NLGN1: variants seen among roughly 807,000 people sequenced by gnomAD.
NLGN1 encodes neuroligin-1.
In NLGN1, 12 loss-of-function variants were observed where a neutral mutation model predicts 65.5. The observed-to-expected ratio is 0.18, with a 90% CI of 0.12 to 0.30. The LOEUF is 0.30. NLGN1 is among the 10% of genes least tolerant of loss of function. The probability of loss-of-function intolerance (pLI) is 1.00; values close to 1 mark genes in which losing one functional copy is unlikely to be tolerated. For synonymous variants in NLGN1, 350 were observed against 359.5 expected (o/e 0.97, Z 0.30); for missense variants, 750 against 1,007.1 (o/e 0.74, Z 3.46).
Position 174,048,674 on chromosome 3 carries a change from G to C in NLGN1, c.647-226641G>C, listed in dbSNP as rs1373693914. Among the ~76,000 whole-genome samples, 5 of 151,864 alleles carry C rather than the reference G, an allele frequency of 3.3e-5. No individual in the cohort carries two copies. The East Asian group carries it at 9.7e-4, about 29-fold the overall frequency. On this transcript the variant is annotated intron_variant, in intron 4 of 6. Coordinates refer to ENST00000457714, the Ensembl canonical transcript of NLGN1. ...GTAAGAGTCACGAAATGAAAGAGGAGCCAACAAGGTGACAGAGAAATACAG... is the reference window on the plus strand; with the variant it reads ...GTAAGAGTCACGAAATGAAAGAGGACCCAACAAGGTGACAGAGAAATACAG...
chr3:173,398,524 AT>A (rs920028726), intron 1 of NLGN1: 4 of 152,208 alleles, frequency 2.6e-5, no homozygotes, highest in Admixed American at 1.3e-4. Context: ...ATTTAAAATT[AT>A]TTAGGTTGAG....
chr3:174,257,246 T>A (rs1745964608), intron 4 of NLGN1, among the ~76,000 whole-genome samples: 1 of 152,054 alleles, frequency 6.6e-6, no homozygotes, highest in Non-Finnish European at 1.5e-5. Flanking sequence ...TATTAAAAAG[T>A]CAAAAAACAA....
intron 4 of NLGN1, among the ~76,000 whole-genome samples, chr3:173,876,773 C>G (rs1451854172): frequency 6.6e-6 from 1 of 151,940 alleles, no homozygotes; most frequent in African/African-American, 2.4e-5. Context: ...ATAAAATAAG[C>G]AAATAGAAAA....
intron 2 of NLGN1, among the ~76,000 whole-genome samples, chr3:173,448,963 AT>A (rs1402319536): frequency 6.6e-6 from 1 of 151,340 alleles, no homozygotes. Flanking sequence ...TTTCTTCTTT[AT>A]TAGTCTTGCC....
chr3:173,635,058 T>C (rs1756361138), intron 3 of NLGN1, among the ~76,000 whole-genome samples: 1 of 152,154 alleles, frequency 6.6e-6, no homozygotes, highest in Admixed American at 6.6e-5. Flanking sequence ...TTAATAAAAC[T>C]CTGCTTTATG....
At chr3:173,905,365 C>A (rs185229628) in intron 4 of NLGN1, among the ~76,000 whole-genome samples, 24 of 152,182 alleles carry the variant, frequency 1.6e-4, no homozygotes, top group Non-Finnish European at 3.2e-4. Context: ...CTTCCAACCC[C>A]AATTTGTACT....
At chr3:173,854,315 A>G (rs1727538669) in intron 4 of NLGN1, among the ~76,000 whole-genome samples, 1 of 152,052 alleles carries the variant, frequency 6.6e-6, no homozygotes, top group Non-Finnish European at 1.5e-5. Flanking sequence ...ATTTCAGTGT[A>G]TTAAAAGGAA....
chr3:173,889,754 G>C (rs760966301), intron 4 of NLGN1, among the ~76,000 whole-genome samples: 1 of 151,724 alleles, frequency 6.6e-6, no homozygotes, highest in African/African-American at 2.4e-5. Flanking sequence ...TAGTTGTACC[G>C]GTTGAGAAAG....
At chr3:173,868,249 G>A (rs1038754683) in intron 4 of NLGN1, among the ~76,000 whole-genome samples, 1 of 152,204 alleles carries the variant, frequency 6.6e-6, no homozygotes, top group Non-Finnish European at 1.5e-5. Flanking sequence ...GTGAATATGA[G>A]CAGTTATGGG....
intron 4 of NLGN1, among the ~76,000 whole-genome samples, chr3:174,182,528 C>G (rs1297188678): frequency 1.3e-5 from 2 of 152,148 alleles, no homozygotes; most frequent in African/African-American, 4.8e-5. Context: ...TACTAAAATA[C>G]TGATTCAGTA....
intron 2 of NLGN1, among the ~76,000 whole-genome samples, chr3:173,573,349 G>T (rs972374553): frequency 3.3e-5 from 5 of 152,106 alleles, no homozygotes; most frequent in Non-Finnish European, 5.9e-5. Context: ...CAACAAATGA[G>T]AGTTGATATT....
intron 3 of NLGN1, among the ~76,000 whole-genome samples, chr3:173,640,250 T>A (rs917991949): frequency 6.6e-6 from 1 of 152,146 alleles, no homozygotes; most frequent in Non-Finnish European, 1.5e-5. Context: ...AGCCTGTATT[T>A]TAATGAGGGA....
intron 2 of NLGN1, among the ~76,000 whole-genome samples, chr3:173,529,863 C>A (rs192716176): frequency 1.3e-5 from 2 of 152,018 alleles, no homozygotes; most frequent in African/African-American, 2.4e-5. Context: ...TTGGGTTGAC[C>A]GGCCTCTAGC....
intron 4 of NLGN1, among the ~76,000 whole-genome samples, chr3:173,979,753 A>G (rs1204711620): frequency 6.6e-6 from 1 of 152,088 alleles, no homozygotes; most frequent in Non-Finnish European, 1.5e-5. Context: ...TTTTTGTGTC[A>G]TTATTCTAGT....
At chr3:173,839,570 G>A (rs562770240) in intron 4 of NLGN1, among the ~76,000 whole-genome samples, 1 of 152,092 alleles carries the variant, frequency 6.6e-6, no homozygotes, top group East Asian at 1.9e-4. Flanking sequence ...CTACAGGCAT[G>A]CGCCATCACG....
At chr3:173,856,884 G>C (rs1728082233) in intron 4 of NLGN1, among the ~76,000 whole-genome samples, 3 of 151,906 alleles carry the variant, frequency 2.0e-5, no homozygotes, top group Non-Finnish European at 4.4e-5. Flanking sequence ...TAGGATTCAG[G>C]TTCACAGGGA....
chr3:173,922,921 C>A (rs1742315872), intron 4 of NLGN1, among the ~76,000 whole-genome samples: 1 of 151,932 alleles, frequency 6.6e-6, no homozygotes, highest in Non-Finnish European at 1.5e-5. Flanking sequence ...AAATTGAGTC[C>A]ACTTCATAAG....
chr3:173,408,625 C>A (rs1311395084), intron 1 of NLGN1, among the ~76,000 whole-genome samples: 1 of 152,188 alleles, frequency 6.6e-6, no homozygotes, highest in South Asian at 2.1e-4. Flanking sequence ...CAAGAATAGG[C>A]GCATTGGCCG....
chr3:173,894,836 C>G (rs1736047383), intron 4 of NLGN1, among the ~76,000 whole-genome samples: 1 of 151,978 alleles, frequency 6.6e-6, no homozygotes, highest in African/African-American at 2.4e-5. Context: ...AGGGTTTCAC[C>G]ATGTTGGCCA....
Sources: allele counts gnomAD v4.1 joint callset (sites outside exome capture counted in the v4.1 genomes callset), GRCh38; gene constraint gnomAD v4.1.1; transcripts MANE v1.5; gene names NCBI Gene and HGNC (gene_info 2026-07-23, HGNC 2026-07-21).